The following CCND1 variants were observed in gnomAD, a reference collection of about 807,000 sequenced individuals.
The protein encoded by CCND1 is G1/S-specific cyclin-D1.
CCND1 carries 9 observed loss-of-function variants against 26.1 expected under a neutral mutation model. The observed-to-expected ratio is 0.35, with a 90% confidence interval of 0.21 to 0.60. CCND1 has a LOEUF of 0.60. Among genes scored for constraint, CCND1 ranks in the 20% least tolerant of loss-of-function variants. The pLI, the probability that CCND1 is intolerant of heterozygous loss-of-function variation, is 0.79. For synonymous variants in CCND1, 194 were observed against 166.1 expected (o/e 1.17, Z -1.29); for missense variants, 335 against 392.9 (o/e 0.85, Z 1.25).
chr11:69,647,875 A>G, intron 3 of CCND1, 119 bp from the exon 4 acceptor site: 2 of 1,142,586 alleles, frequency 1.8e-6, no homozygotes, highest in Non-Finnish European at 2.5e-6. Context: ...TCAGATACCG[A>G]GTGCTTCCCT....
chr11:69,643,762 G>A (rs1855742660), intron 2 of CCND1, 70 bp from the exon 3 acceptor site: 2 of 1,498,060 alleles, frequency 1.3e-6, no homozygotes, highest in Non-Finnish European at 9.1e-7. Context: ...CGGCCCCCGT[G>A]CTGCCGGCTT....
intron 3 of CCND1, among the ~76,000 whole-genome samples, chr11:69,647,669 G>A (rs1231010711): frequency 6.6e-6 from 1 of 152,214 alleles, no homozygotes; most frequent in Non-Finnish European, 1.5e-5. Context: ...ACATTCACAA[G>A]GCTCAAGATG....
chr11:69,650,323 C>T (rs1324440614), intron 4 of CCND1, among the ~76,000 whole-genome samples: 1 of 152,240 alleles, frequency 6.6e-6, no homozygotes, highest in Non-Finnish European at 1.5e-5. Context: ...GTGGGACTTG[C>T]CCGTGGTGGA....
chr11:69,647,375 A>C (rs1855795811), intron 3 of CCND1, among the ~76,000 whole-genome samples: 1 of 152,104 alleles, frequency 6.6e-6, no homozygotes, highest in Non-Finnish European at 1.5e-5. Context: ...TCCTGGCGCC[A>C]GGGCCTGAGC....
chr11:69,642,965 G>T (rs976889014), intron 1 of CCND1, 66 bp from the exon 2 acceptor site: 4 of 1,258,630 alleles, frequency 3.2e-6, no homozygotes, highest in Non-Finnish European at 4.3e-6. Context: ...GCGATGGGGG[G>T]TGCGGGGGCG....
Position 69,641,534 on chromosome 11 carries a change from C to CT in CCND1, c.198+25dup, listed in dbSNP as rs771854915. ...GAGGTGCGGGGCTTCGGGCGGCTCT[C>CT]TTAAGACTTCCCTGCAACTTGTTGC... On this transcript the variant is annotated intron_variant, in intron 1 of 4. Transcript: ENST00000227507. 5 of 1,608,240 alleles carry CT rather than the reference C, an allele frequency of 3.1e-6. No individual in the cohort carries two copies. In the African/African-American group the frequency reaches 6.7e-5, roughly 21 times the overall value.
chr11:69,641,204 G>GGCGAGGGGCAGAAGAGCGCGAGGGA lies in CCND1; in HGVS notation c.-106_-82dup, dbSNP rs1855693321. ...GCGAGCAGCAGAGTCCGCACGCTCC[G>GGCGAGGGGCAGAAGAGCGCGAGGGA]GCGAGGGGCAGAAGAGCGCGAGGGA... On this transcript the variant is annotated 5_prime_UTR_variant, in exon 1 of 5. Coordinates refer to ENST00000227507, the MANE Select transcript of CCND1 (RefSeq NM_053056.3). 9.1e-7 allele frequency: 1 copy of GGCGAGGGGCAGAAGAGCGCGAGGGA among 1,100,222 alleles called. No individual in the cohort carries two copies. Among genetic ancestry groups the GGCGAGGGGCAGAAGAGCGCGAGGGA allele is most frequent in the African/African-American group, 1.5e-5 (1 of 65,336 alleles). 68.2% of individuals were successfully genotyped at this position (1,100,222 alleles called of 1,614,324 possible). A position where few individuals can be genotyped will look rare whatever the true frequency, so the allele number is the denominator to read the frequency against.
chr11:69,643,301 G>C, intron 2 of CCND1, 55 bp downstream of exon 2: 1 of 1,428,102 alleles, frequency 7.0e-7, no homozygotes, highest in Non-Finnish European at 9.5e-7. Flanking sequence ...GCAGGACCAC[G>C]GGGCCGGGGA....
intron 4 of CCND1, among the ~76,000 whole-genome samples, chr11:69,649,588 G>A (rs1232350097): frequency 1.3e-5 from 2 of 152,238 alleles, no homozygotes; most frequent in African/African-American, 4.8e-5. Flanking sequence ...TGCAAATCGG[G>A]TGCGCAGTGC....
intron 4 of CCND1, among the ~76,000 whole-genome samples, chr11:69,650,793 G>A (rs942893879): frequency 1.3e-5 from 2 of 152,288 alleles, no homozygotes; most frequent in Admixed American, 6.5e-5. Context: ...GAGCTGGCAC[G>A]GCCAGTGGGA....
At position 69,653,571 on chromosome 11, in the gene CCND1, C is replaced by T. The variant is rs908016001; in HGVS notation, c.*2289C>T. The T allele has an allele frequency of 1.5e-5, 8 of 531,368 alleles. No homozygotes were observed. Among genetic ancestry groups the T allele is most frequent in the East Asian group, 6.5e-5 (2 of 30,884 alleles). The allele number at this position is 531,368 out of a possible 1,614,324, so 32.9% of individuals were successfully genotyped here. A position where few individuals can be genotyped will look rare whatever the true frequency, so the allele number is the denominator to read the frequency against. On this transcript the variant is annotated 3_prime_UTR_variant, in exon 5 of 5. Coordinates refer to ENST00000227507, the MANE Select transcript of CCND1 (RefSeq NM_053056.3). ...GCTTTGGCGGGCAGACACGCGGGCG[C>T]GATCCCACACAGGCTGGCGGGGGCC...
At position 69,643,346 on chromosome 11, in the gene CCND1, A is replaced by G. The variant is rs762200568; in HGVS notation, c.414+100A>G. The G allele has an allele frequency of 4.4e-5, 41 of 923,570 alleles. No individual in the cohort carries two copies. In the East Asian group the frequency reaches 4.6e-4, roughly 10 times the overall value. The allele number at this position is 923,570 out of a possible 1,614,324, so 57.2% of individuals were successfully genotyped here. ...CGGTGGCGGCCGGCCCGCCTCTGAC[A>G]TATCTGCTCCTCCGAGGGAGGGCGG... On this transcript the variant is annotated intron_variant, in intron 2 of 4. Coordinates refer to ENST00000227507, the MANE Select transcript of CCND1 (RefSeq NM_053056.3).
Position 69,645,579 on chromosome 11 carries a change from G to A in CCND1, c.574+1588G>A, listed in dbSNP as rs188393215. On this transcript the variant is annotated intron_variant, in intron 3 of 4. Transcript: ENST00000227507. ...CCGAGGGAGGGGCAGGAGACCAGGGGACCCACCCCTGCAAAGTGCTCCGGG... is the reference window on the plus strand; with the variant it reads ...CCGAGGGAGGGGCAGGAGACCAGGGAACCCACCCCTGCAAAGTGCTCCGGG... Among the ~76,000 whole-genome samples the A allele has an allele frequency of 1.1e-3, 169 of 152,326 alleles. 1 individual carries two copies. Among genetic ancestry groups the A allele is most frequent in the African/African-American group, 3.8e-3 (159 of 41,582 alleles).
chr11:69,647,026 C>T (rs1855791423), intron 3 of CCND1, among the ~76,000 whole-genome samples: 1 of 152,144 alleles, frequency 6.6e-6, no homozygotes, highest in African/African-American at 2.4e-5. Flanking sequence ...CCAGGAAGCC[C>T]CAGGTGAGGG....
At chr11:69,647,082 C>G (rs369010361) in intron 3 of CCND1, among the ~76,000 whole-genome samples, 13 of 152,342 alleles carry the variant, frequency 8.5e-5, no homozygotes, top group African/African-American at 1.9e-4. Context: ...GGGCCCGGCT[C>G]CCGGCCCAGT....
At chr11:69,648,197 C>T (rs1383820534) in intron 4 of CCND1, 55 bp downstream of exon 4, 1 of 1,599,152 alleles carries the variant, frequency 6.3e-7, no homozygotes, top group Non-Finnish European at 8.6e-7. Context: ...GGGGAGACAC[C>T]TAGTGCCACG....
intron 1 of CCND1, among the ~76,000 whole-genome samples, chr11:69,642,021 G>C (rs1855709952): frequency 6.6e-6 from 1 of 152,180 alleles, no homozygotes; most frequent in Non-Finnish European, 1.5e-5. Flanking sequence ...TTGGGGGCAG[G>C]GTGGGGGCGG....
intron 4 of CCND1, 126 bp downstream of exon 4, chr11:69,648,268 C>A: frequency 9.7e-7 from 1 of 1,032,924 alleles, no homozygotes. Context: ...GGGGCTGGGC[C>A]CCTCGGACCC....
chr11:69,651,317 A>C lies in CCND1; in HGVS notation c.*35A>C. ...GCAGGCGGGCGCCACCGCCACCCGC[A>C]GCGAGGGCGGAGCCGGCCCCAGGTG... On this transcript the variant is annotated 3_prime_UTR_variant, in exon 5 of 5. Transcript: ENST00000227507. The C allele has an allele frequency of 2.1e-6, 3 of 1,431,842 alleles. No homozygotes were observed. The highest frequency in any genetic ancestry group is 2.8e-6 in the Non-Finnish European group (3 of 1,088,528). 88.7% of individuals were successfully genotyped at this position (1,431,842 alleles called of 1,614,324 possible). A position where few individuals can be genotyped will look rare whatever the true frequency, so the allele number is the denominator to read the frequency against.
Sources: allele counts gnomAD v4.1 joint callset (sites outside exome capture counted in the v4.1 genomes callset), GRCh38; gene constraint gnomAD v4.1.1; transcripts MANE v1.5; gene names NCBI Gene and HGNC (gene_info 2026-07-23, HGNC 2026-07-21).